KAT6A: variants seen among roughly 807,000 people sequenced by gnomAD.
KAT6A encodes histone acetyltransferase KAT6A.
Under a neutral mutation model 198.4 loss-of-function variants are expected in KAT6A, and 9 were observed. The ratio of observed to expected loss-of-function variants is 0.05; its 90% CI spans 0.03 to 0.08. The LOEUF (loss-of-function observed/expected upper bound fraction) is 0.08. Among genes scored for constraint, KAT6A ranks in the 10% least tolerant of loss-of-function variants. KAT6A has a pLI of 1.00. For synonymous variants in KAT6A, 890 were observed against 883.0 expected, an observed-to-expected ratio of 1.01 and a Z score of -0.14; for missense variants, 2,077 against 2,509.9, an observed-to-expected ratio of 0.83 and a Z score of 3.69.
At chr8:42,036,585 C>T (rs1172298423) in intron 2 of KAT6A, among the ~76,000 whole-genome samples, 1 of 152,026 alleles carries the variant, frequency 6.6e-6, no homozygotes, top group Non-Finnish European at 1.5e-5. Context: ...TGCACTCCAG[C>T]CTGGGTGACA....
In KAT6A at chr8:42,048,675, T is replaced by G; in HGVS notation, c.303A>C (p.Lys101Asn). The change falls in exon 2 of 17, where the codon AAA becomes AAC. Residue 101 changes from lysine (K) to asparagine (N), a missense_variant. Around this residue, in one of 13 missense-constraint regions of KAT6A, gnomAD observed 185 missense variants for 185.7 expected, o/e 1.00. Coordinates refer to ENST00000265713, the MANE Select transcript of KAT6A (RefSeq NM_006766.5). ...AGCCCTCAACTGCCCGCTTTATCAG[T>G]TTATTCCAATCCACATTTTGTTTAT... ...LDNKQNVDWN[K>N]LIKRAVEGLA... 6.2e-7 allele frequency: 1 copy of G among 1,614,242 alleles called. No homozygotes were observed. Among genetic ancestry groups the G allele is most frequent in the Non-Finnish European group, 8.5e-7 (1 of 1,180,032 alleles).
At chr8:42,023,488 A>C (rs991362616) in intron 2 of KAT6A, among the ~76,000 whole-genome samples, 1 of 105,798 alleles carries the variant, frequency 9.5e-6, no homozygotes, top group Non-Finnish European at 1.8e-5. Context: ...CTGTACAAAT[A>C]TATTTACTTT....
rs1564011037 is a variant in KAT6A, at chr8:41,941,459, TA to T, written c.2437-16del. ...GACTTTCCCACCTGATTTTAGAAAA[TA>T]AAACAATGCTGGTTAATTTTTCAGT... On this transcript the variant is annotated splice_polypyrimidine_tract_variant and intron_variant, in intron 14 of 16. Transcript: ENST00000265713. 6.4e-7 allele frequency: 1 copy of T among 1,569,068 alleles called. No individual in the cohort carries two copies. The highest frequency in any genetic ancestry group is 1.9e-5 in the Admixed American group (1 of 52,934).
At chr8:41,998,264 T>C (rs1448576541) in intron 2 of KAT6A, among the ~76,000 whole-genome samples, 2 of 152,146 alleles carry the variant, frequency 1.3e-5, no homozygotes, top group African/African-American at 2.4e-5. Flanking sequence ...AAAGTAAGCC[T>C]TCTGGAAGAA....
At chr8:42,028,288 G>A (rs1826937629) in intron 2 of KAT6A, among the ~76,000 whole-genome samples, 1 of 152,144 alleles carries the variant, frequency 6.6e-6, no homozygotes, top group African/African-American at 2.4e-5. Context: ...AGTTTTTGCT[G>A]ATTTTCTGCA....
At position 42,028,570 on chromosome 8, in the gene KAT6A, C is replaced by G. The variant is rs1826956870; in HGVS notation, c.600+19808G>C. Among the ~76,000 whole-genome samples, 2 of 152,102 alleles carry G rather than the reference C, an allele frequency of 1.3e-5. 1 individual carries two copies. Among genetic ancestry groups the G allele is most frequent in the South Asian group, 4.1e-4 (2 of 4,826 alleles). On this transcript the variant is annotated intron_variant, in intron 2 of 16. Transcript: ENST00000265713. ...TAGTACTCCTAATCACTTTTGGTTT[C>G]CATTTGCATAAAATATCTTGTTCCA...
intron 8 of KAT6A, among the ~76,000 whole-genome samples, chr8:41,973,981 T>G (rs755253582): frequency 6.6e-6 from 1 of 152,160 alleles, no homozygotes; most frequent in Non-Finnish European, 1.5e-5. Flanking sequence ...CTCCTATAGT[T>G]CAGGGAAAGA....
chr8:42,044,368 T>A (rs1827808999), intron 2 of KAT6A, among the ~76,000 whole-genome samples: 1 of 152,098 alleles, frequency 6.6e-6, no homozygotes, highest in African/African-American at 2.4e-5. Flanking sequence ...CCCAAAGTGC[T>A]GGGATTACAG....
At chr8:42,027,224 T>C (rs541646332) in intron 2 of KAT6A, among the ~76,000 whole-genome samples, 25 of 152,350 alleles carry the variant, frequency 1.6e-4, no homozygotes, top group Non-Finnish European at 3.2e-4. Context: ...ATCAGGACTA[T>C]TGGCCTGTAG....
In KAT6A at chr8:41,934,239, T is replaced by G; in HGVS notation, c.3981A>C (p.Thr1327=). ...GCTGTTCCTCTAGCTCCTTTTTCTT[T>G]GTGGACTCCAGGTGGCCATCATCCT... is the stretch of plus-strand genomic sequence containing the variant. ...DDEDDGHLES[T]KKKELEEQPT... Residue 1327 remains threonine (T), a synonymous_variant, in exon 17 of 17, where the codon ACA becomes ACC. Coordinates refer to ENST00000265713, the MANE Select transcript of KAT6A (RefSeq NM_006766.5). The G allele has an allele frequency of 6.2e-7, 1 of 1,614,174 alleles. No individual in the cohort carries two copies. The highest frequency in any genetic ancestry group is 8.5e-7 in the Non-Finnish European group (1 of 1,180,030).
intron 2 of KAT6A, among the ~76,000 whole-genome samples, chr8:42,006,392 C>T (rs1825748032): frequency 6.6e-6 from 1 of 152,200 alleles, no homozygotes; most frequent in Non-Finnish European, 1.5e-5. Context: ...TATAAATGGA[C>T]ACTCCAACTC....
chr8:41,961,777 T>C lies in KAT6A; in HGVS notation c.1483-6366A>G, dbSNP rs538410287. Among the ~76,000 whole-genome samples the C allele has an allele frequency of 1.4e-3, 207 of 147,104 alleles. 2 individuals carry two copies. Among genetic ancestry groups the C allele is most frequent in the African/African-American group, 5.0e-3 (200 of 39,738 alleles). ...AAAAAAAAAAAAAAAAAAAAAAGTA[T>C]CTTCTTTAGCCCTCACAGCTCTATC... On this transcript the variant is annotated intron_variant, in intron 8 of 16. Transcript: ENST00000265713.
At position 41,951,157 on chromosome 8, in the gene KAT6A, T is replaced by G. The variant is rs184316452; in HGVS notation, c.1599-1794A>C. On this transcript the variant is annotated intron_variant, in intron 9 of 16. Coordinates refer to ENST00000265713, the MANE Select transcript of KAT6A (RefSeq NM_006766.5). ...CCTTAGAATGGCAAGATGTATGGCA[T>G]TTTATTGATGATTAAAAAAAAAAAA... Among the ~76,000 whole-genome samples, 49 of 152,058 alleles carry G rather than the reference T, an allele frequency of 3.2e-4. No individual in the cohort carries two copies. The East Asian group carries it at 8.5e-3, about 26-fold the overall frequency.
chr8:42,048,233 G>T, intron 2 of KAT6A, 145 bp downstream of exon 2: 1 of 745,094 alleles, frequency 1.3e-6, no homozygotes, highest in Non-Finnish European at 2.2e-6. Context: ...AGCTCTCATA[G>T]CTACAACTCA....
chr8:41,951,242 T>G (rs1038238093), intron 9 of KAT6A, among the ~76,000 whole-genome samples: 14 of 151,844 alleles, frequency 9.2e-5, no homozygotes, highest in African/African-American at 4.8e-5. Context: ...AGCATTATGA[T>G]CTACTTTATT....
chr8:42,001,368 A>G (rs963589268), intron 2 of KAT6A, among the ~76,000 whole-genome samples: 3 of 152,220 alleles, frequency 2.0e-5, no homozygotes, highest in Non-Finnish European at 4.4e-5. Context: ...TTTTCTGCCT[A>G]AGAAACTAAG....
rs1485091394 is a variant in KAT6A, at chr8:41,941,183, C to T, written c.2698G>A (p.Gly900Arg). Residue 900 changes from glycine to arginine, a missense_variant, in exon 15 of 17, where the codon GGA becomes AGA. Coordinates refer to ENST00000265713, the MANE Select transcript of KAT6A (RefSeq NM_006766.5). ...ETSSAPQEQY[G>R]ECGEKSEATQ... The stretch of plus-strand genomic sequence containing the variant: ...GCTTCTGATTTCTCCCCACATTCTC[C>T]ATATTGTTCCTGAGGAGCTGAAGAC... 2 of 1,614,122 alleles carry T rather than the reference C, an allele frequency of 1.2e-6. No individual in the cohort carries two copies. The highest frequency in any genetic ancestry group is 1.7e-6 in the Non-Finnish European group (2 of 1,180,024).
intron 8 of KAT6A, chr8:41,957,521 G>A: frequency 3.3e-6 from 1 of 305,296 alleles, no homozygotes; most frequent in South Asian, 2.8e-5. Context: ...ACTTTCCAAA[G>A]CAGCAGGTGT....
chr8:42,007,989 T>TAAAAAAAAAAAAAAAAAA (rs1564061372), intron 2 of KAT6A, among the ~76,000 whole-genome samples: 1 of 121,520 alleles, frequency 8.2e-6, no homozygotes, highest in African/African-American at 3.2e-5. Context: ...AAAAAAAAAT[T>TAAAAAAAAAAAAAAAAAA]TTTATTGTTA....
Sources: allele counts gnomAD v4.1 joint callset (sites outside exome capture counted in the v4.1 genomes callset), GRCh38; gene constraint gnomAD v4.1.1; regional missense constraint gnomAD v4.1.1; transcripts MANE v1.5; gene names NCBI Gene and HGNC (gene_info 2026-07-23, HGNC 2026-07-21).